NR3C2: variants seen among roughly 807,000 people sequenced by gnomAD.
NR3C2 encodes the protein nuclear receptor subfamily 3 group C member 2, also known as mineralocorticoid receptor.
In NR3C2, 15 loss-of-function variants were observed where a neutral mutation model predicts 86.4. The ratio of observed to expected loss-of-function variants is 0.17; its 90% confidence interval spans 0.12 to 0.27. NR3C2 has a LOEUF of 0.27. NR3C2 is among the 10% of genes least tolerant of loss of function. The pLI is 1.00. For missense variants in NR3C2, 960 were observed against 1,195.6 expected, an observed-to-expected ratio of 0.80 and a Z score of 2.91; for synonymous variants, 458 against 450.5, an observed-to-expected ratio of 1.02 and a Z score of -0.21.
At chr4:148,300,942 A>G (rs1311404176) in intron 2 of NR3C2, among the ~76,000 whole-genome samples, 1 of 152,164 alleles carries the variant, frequency 6.6e-6, no homozygotes, top group Non-Finnish European at 1.5e-5. Context: ...ACTGCTTTGG[A>G]AGAACAGAAA....
At chr4:148,174,175 C>T (rs1301103673) in intron 4 of NR3C2, among the ~76,000 whole-genome samples, 1 of 152,174 alleles carries the variant, frequency 6.6e-6, no homozygotes, top group Non-Finnish European at 1.5e-5. Flanking sequence ...GGGAATGGGA[C>T]AGTTAGTGAG....
At position 148,104,337 on chromosome 4, in the gene NR3C2, G is replaced by T. The variant is rs1188327908; in HGVS notation, c.2799+9767C>A. Among the ~76,000 whole-genome samples the T allele has an allele frequency of 1.6e-3, 194 of 122,314 alleles. 2 individuals are homozygous for T. Among genetic ancestry groups the T allele is most frequent in the Middle Eastern group, 8.3e-3 (2 of 242 alleles). 80.2% of individuals were successfully genotyped at this position (122,314 alleles called of 152,430 possible). On this transcript the variant is annotated intron_variant, in intron 8 of 8. Transcript: ENST00000358102. ...GATTTGTTTGTTTTTTTGTGTTTTGGTTTGGTTTTTTTTTTTTTTTTTTTT... is the reference window on the plus strand; with the variant it reads ...GATTTGTTTGTTTTTTTGTGTTTTGTTTTGGTTTTTTTTTTTTTTTTTTTT...
intron 8 of NR3C2, among the ~76,000 whole-genome samples, chr4:148,104,862 G>A (rs1189403022): frequency 4.6e-5 from 7 of 152,022 alleles, no homozygotes; most frequent in Non-Finnish European, 8.8e-5. Flanking sequence ...AGCACCAGAG[G>A]CCACACTCTT....
chr4:148,264,418 T>C (rs1421139204), intron 2 of NR3C2, among the ~76,000 whole-genome samples: 1 of 152,188 alleles, frequency 6.6e-6, no homozygotes, highest in Non-Finnish European at 1.5e-5. Flanking sequence ...TGAATGTCTT[T>C]AAAATACAAA....
intron 8 of NR3C2, among the ~76,000 whole-genome samples, chr4:148,102,999 C>G (rs1390552894): frequency 6.6e-6 from 1 of 152,222 alleles, no homozygotes; most frequent in Middle Eastern, 3.2e-3. Context: ...TCCTCTTTCT[C>G]TCCATTCGTC....
intron 8 of NR3C2, among the ~76,000 whole-genome samples, chr4:148,087,232 G>C (rs1021056036): frequency 4.6e-5 from 7 of 151,560 alleles, no homozygotes; most frequent in African/African-American, 1.7e-4. Context: ...ACATCTTCAA[G>C]TCTCAAGGAA....
intron 2 of NR3C2, among the ~76,000 whole-genome samples, chr4:148,359,206 G>T (rs893394839): frequency 6.6e-6 from 1 of 151,790 alleles, no homozygotes; most frequent in African/African-American, 2.4e-5. Context: ...GGTTTCCTTA[G>T]AACTACACCC....
intron 2 of NR3C2, among the ~76,000 whole-genome samples, chr4:148,320,088 G>C (rs1055822540): frequency 3.4e-5 from 4 of 117,412 alleles, no homozygotes; most frequent in African/African-American, 1.2e-4. Flanking sequence ...TAGCATGAAT[G>C]GTTGTTGAAT....
intron 8 of NR3C2, among the ~76,000 whole-genome samples, chr4:148,101,605 A>T (rs894556525): frequency 6.6e-6 from 1 of 152,248 alleles, no homozygotes; most frequent in Non-Finnish European, 1.5e-5. Context: ...ATATATACAC[A>T]TCCTCACATA....
intron 2 of NR3C2, among the ~76,000 whole-genome samples, chr4:148,421,070 T>C (rs1398267): frequency 1 from 152,318 of 152,348 alleles, 76,144 homozygotes; most frequent in Middle Eastern, 1. Flanking sequence ...AAGTCAAGTG[T>C]TTATATAAAT....
At chr4:148,280,753 T>C (rs1741193138) in intron 2 of NR3C2, among the ~76,000 whole-genome samples, 2 of 152,276 alleles carry the variant, frequency 1.3e-5, no homozygotes, top group South Asian at 4.1e-4. Context: ...ACAATCCTCC[T>C]GCCTCAGCCT....
At position 148,083,321 on chromosome 4, in the gene NR3C2, G is replaced by A. The variant is rs374617375; in HGVS notation, c.2800-1822C>T. On this transcript the variant is annotated intron_variant, in intron 8 of 8. Transcript: ENST00000358102. ...AGGAGAGCTTCACCTGGCATCTGGCGGGTGCCCCATTGGGACAAAGCCTCC... is the reference window on the plus strand; with the variant it reads ...AGGAGAGCTTCACCTGGCATCTGGCAGGTGCCCCATTGGGACAAAGCCTCC... 1.8e-4 allele frequency among the ~76,000 whole-genome samples: 28 copies of A among 152,282 alleles called. No homozygotes were observed. The East Asian group carries it at 3.7e-3, about 20-fold the overall frequency.
intron 4 of NR3C2, among the ~76,000 whole-genome samples, chr4:148,155,148 A>T (rs932861036): frequency 1.6e-4 from 24 of 152,068 alleles, no homozygotes; most frequent in Non-Finnish European, 2.9e-4. Flanking sequence ...CCTATAAGAG[A>T]CTGTATAAGC....
At chr4:148,426,698 A>G (rs1749549365) in intron 2 of NR3C2, among the ~76,000 whole-genome samples, 1 of 152,184 alleles carries the variant, frequency 6.6e-6, no homozygotes, top group Admixed American at 6.5e-5. Flanking sequence ...TACTTGAGTC[A>G]CTACATACAT....
chr4:148,339,474 C>A (rs1401470769), intron 2 of NR3C2, among the ~76,000 whole-genome samples: 2 of 152,118 alleles, frequency 1.3e-5, no homozygotes, highest in African/African-American at 4.8e-5. Flanking sequence ...TTAAAACAAT[C>A]TTATTGATGC....
At chr4:148,387,133 T>A (rs1747303720) in intron 2 of NR3C2, among the ~76,000 whole-genome samples, 1 of 152,242 alleles carries the variant, frequency 6.6e-6, no homozygotes, top group African/African-American at 2.4e-5. Context: ...GAAAGCTCTT[T>A]AAGCGGATTT....
intron 3 of NR3C2, among the ~76,000 whole-genome samples, chr4:148,227,719 G>A (rs1038878071): frequency 1.3e-5 from 2 of 152,044 alleles, no homozygotes; most frequent in African/African-American, 4.8e-5. Context: ...TGCATGCTAT[G>A]GATTATAATC....
intron 3 of NR3C2, among the ~76,000 whole-genome samples, chr4:148,232,090 T>A (rs1738494940): frequency 6.6e-6 from 1 of 152,196 alleles, no homozygotes; most frequent in Non-Finnish European, 1.5e-5. Context: ...TGGAATTAAC[T>A]TCTTCCAAAC....
chr4:148,248,394 A>G (rs1475750497), intron 3 of NR3C2, among the ~76,000 whole-genome samples: 2 of 152,250 alleles, frequency 1.3e-5, no homozygotes, highest in Non-Finnish European at 2.9e-5. Flanking sequence ...TGACCAACCT[A>G]GACTAATCCT....
Sources: allele counts gnomAD v4.1 joint callset (sites outside exome capture counted in the v4.1 genomes callset), GRCh38; gene constraint gnomAD v4.1.1; transcripts MANE v1.5; gene names NCBI Gene and HGNC (gene_info 2026-07-23, HGNC 2026-07-21).